Variants in PDLIM5 observed in about 807,000 individuals in gnomAD.
PDLIM5 encodes PDZ and LIM domain 5.
A neutral mutation model predicts 64.2 loss-of-function variants in PDLIM5; 34 were observed. The ratio of observed to expected loss-of-function variants is 0.53; its 90% CI spans 0.40 to 0.71. The LOEUF is 0.71. PDLIM5 is among the 30% of genes least tolerant of loss of function. PDLIM5 has a pLI of 0.00. For synonymous variants in PDLIM5, 253 were observed against 269.1 expected, an observed-to-expected ratio of 0.94 and a Z score of 0.59; for missense variants, 683 against 733.6, an observed-to-expected ratio of 0.93 and a Z score of 0.80.
intron 8 of PDLIM5, among the ~76,000 whole-genome samples, chr4:94,638,346 T>A (rs770477956): frequency 1.4e-4 from 22 of 152,170 alleles, no homozygotes; most frequent in Non-Finnish European, 2.9e-4. Flanking sequence ...TGGAAACATG[T>A]TCCTAGTCCA....
At chr4:94,595,856 G>C (rs1406282612) in intron 7 of PDLIM5, among the ~76,000 whole-genome samples, 3 of 152,088 alleles carry the variant, frequency 2.0e-5, no homozygotes, top group Non-Finnish European at 4.4e-5. Context: ...ATTTTCATGA[G>C]ATAAGAATTA....
chr4:94,473,768 T>C (rs1200598679), intron 2 of PDLIM5, among the ~76,000 whole-genome samples: 1 of 152,208 alleles, frequency 6.6e-6, no homozygotes, highest in Admixed American at 6.5e-5. Context: ...TAAGGACTGA[T>C]GTTAATTATT....
rs1013329055 is a variant in PDLIM5, at chr4:94,657,539, G to A, written c.1577G>A (p.Cys526Tyr). The stretch of plus-strand genomic sequence containing the variant: ...CACTTGGAGGATGGTGAACCCTACT[G>A]TGAGACTGGTAAGATCAGGGAGCCA... The part of the protein sequence containing the change: ...VFHLEDGEPY[C>Y]ETDYYALFGT... Residue 526 changes from cysteine to tyrosine, a missense_variant, in exon 11 of 13, where the codon TGT (cysteine) becomes TAT (tyrosine). Transcript: ENST00000317968. The A allele has an allele frequency of 6.2e-7, 1 of 1,610,850 alleles. No individual in the cohort carries two copies. Among genetic ancestry groups the A allele is most frequent in the Non-Finnish European group, 8.5e-7 (1 of 1,177,344 alleles).
At chr4:94,486,858 C>G (rs775288647) in intron 2 of PDLIM5, among the ~76,000 whole-genome samples, 5 of 151,936 alleles carry the variant, frequency 3.3e-5, no homozygotes, top group Non-Finnish European at 7.4e-5. Flanking sequence ...AAAAAATTAG[C>G]CAGGTGTGGT....
chr4:94,649,692 A>G (rs911386898), intron 9 of PDLIM5, among the ~76,000 whole-genome samples: 7 of 152,218 alleles, frequency 4.6e-5, no homozygotes, highest in Non-Finnish European at 8.8e-5. Context: ...GAACTTTTAA[A>G]TATTTGTAGA....
intron 8 of PDLIM5, among the ~76,000 whole-genome samples, chr4:94,637,240 C>T (rs935170233): frequency 7.9e-5 from 12 of 152,238 alleles, no homozygotes; most frequent in African/African-American, 2.9e-4. Flanking sequence ...ATAACAAAAT[C>T]AAAGGGCTGT....
intron 8 of PDLIM5, among the ~76,000 whole-genome samples, chr4:94,622,936 T>C (rs1488215399): frequency 1.3e-5 from 2 of 151,990 alleles, no homozygotes; most frequent in Non-Finnish European, 2.9e-5. Context: ...CCCAAAGTGC[T>C]GGGATTACAG....
chr4:94,458,135 A>G (rs1294493425), intron 2 of PDLIM5, among the ~76,000 whole-genome samples: 5 of 152,182 alleles, frequency 3.3e-5, no homozygotes, highest in Admixed American at 6.5e-5. Flanking sequence ...ACTAATTTAT[A>G]TTGTGGTAAG....
intron 2 of PDLIM5, among the ~76,000 whole-genome samples, chr4:94,511,005 A>C (rs1028012597): frequency 2.6e-5 from 4 of 152,218 alleles, no homozygotes; most frequent in Non-Finnish European, 5.9e-5. Flanking sequence ...GAAAAATTGT[A>C]AAGTCTATGT....
intron 7 of PDLIM5, among the ~76,000 whole-genome samples, chr4:94,609,837 C>G (rs568812979): frequency 6.6e-6 from 1 of 152,088 alleles, no homozygotes; most frequent in African/African-American, 2.4e-5. Flanking sequence ...GATTTATTTT[C>G]TACTAAGTTG....
At chr4:94,568,129 G>T (rs1460666740) in intron 3 of PDLIM5, among the ~76,000 whole-genome samples, 1 of 152,188 alleles carries the variant, frequency 6.6e-6, no homozygotes, top group Non-Finnish European at 1.5e-5. Context: ...GTACTAGAAC[G>T]TTTGGTATAA....
chr4:94,584,656 C>T (rs543103024), intron 5 of PDLIM5: 6 of 267,672 alleles, frequency 2.2e-5, no homozygotes, highest in Middle Eastern at 1.3e-3. Context: ...AATAATAGTT[C>T]GGACCCTTTT....
At chr4:94,542,307 CAAATAAATAAATAAAT>C (rs547938931) in intron 3 of PDLIM5, among the ~76,000 whole-genome samples, 2 of 150,200 alleles carry the variant, frequency 1.3e-5, no homozygotes, top group African/African-American at 5.0e-5. Flanking sequence ...GTGAAACTGT[CAAATAAATAAATAAAT>C]AAATAAATAA....
chr4:94,524,331 C>G (rs1021779330), intron 3 of PDLIM5, among the ~76,000 whole-genome samples: 1 of 141,384 alleles, frequency 7.1e-6, no homozygotes, highest in South Asian at 2.2e-4. Context: ...ATCGTGCCAC[C>G]ACACTCCAGT....
intron 7 of PDLIM5, among the ~76,000 whole-genome samples, chr4:94,607,110 C>T (rs1000887066): frequency 1.3e-5 from 2 of 152,172 alleles, no homozygotes; most frequent in African/African-American, 4.8e-5. Flanking sequence ...TCTATCATGA[C>T]ATTTTTCTTC....
At chr4:94,587,233 A>G in intron 7 of PDLIM5, 11 of 1,441,506 alleles carry the variant, frequency 7.6e-6, no homozygotes, top group Non-Finnish European at 9.0e-6. Flanking sequence ...GTTGTGAGAA[A>G]AGGAAGATGA....
rs1041878097 is a variant in PDLIM5 at position 94,578,947 on chromosome 4, T to C, written c.710+2913T>C. On this transcript the variant is annotated intron_variant, in intron 5 of 12. Transcript: ENST00000317968. ...AGGAGGACTATTAGTTTTTAGTTTT[T>C]AAGCTAGTTTGATAGCTATTCCACG... Among the ~76,000 whole-genome samples, 6 of 152,092 alleles carry C rather than the reference T, an allele frequency of 3.9e-5. No individual in the cohort carries two copies. The South Asian group carries it at 6.2e-4, about 16-fold the overall frequency.
chr4:94,599,591 G>A (rs904425949), intron 7 of PDLIM5, among the ~76,000 whole-genome samples: 3 of 152,152 alleles, frequency 2.0e-5, no homozygotes, highest in Non-Finnish European at 4.4e-5. Context: ...CTTAGCCTTA[G>A]GGGAATGTAT....
intron 7 of PDLIM5, among the ~76,000 whole-genome samples, chr4:94,594,450 C>T (rs1412678012): frequency 1.3e-5 from 2 of 151,950 alleles, no homozygotes; most frequent in Non-Finnish European, 2.9e-5. Flanking sequence ...ATATAAGAAT[C>T]TAATCTACAA....
Sources: allele counts gnomAD v4.1 joint callset (sites outside exome capture counted in the v4.1 genomes callset), GRCh38; gene constraint gnomAD v4.1.1; transcripts MANE v1.5; gene names NCBI Gene and HGNC (gene_info 2026-07-23, HGNC 2026-07-21).